CNTLN: variants seen among roughly 807,000 people sequenced by gnomAD.
CNTLN encodes the protein centlein.
A neutral mutation model predicts 180.0 loss-of-function variants in CNTLN; 212 were observed. The observed-to-expected ratio is 1.18, with a 90% CI of 1.05 to 1.32. The LOEUF is 1.32. CNTLN is among the 40% of genes most tolerant of loss of function. The pLI is 0.00. For missense variants in CNTLN, 2,095 were observed against 1,610.9 expected (o/e 1.30, Z -5.14); for synonymous variants, 722 against 563.1 (o/e 1.28, Z -3.99).
chr9:17,315,593 G>A (rs1022210199), intron 8 of CNTLN, among the ~76,000 whole-genome samples: 1 of 151,912 alleles, frequency 6.6e-6, no homozygotes, highest in African/African-American at 2.4e-5. Flanking sequence ...TCCTGTCCTT[G>A]TGAGATTCCA....
chr9:17,433,286 C>G lies in CNTLN; in HGVS notation c.3114+17097C>G, dbSNP rs112032630. Among the ~76,000 whole-genome samples, 162 of 151,110 alleles carry G rather than the reference C, an allele frequency of 1.1e-3. 1 individual carries two copies. Among genetic ancestry groups the G allele is most frequent in the African/African-American group, 3.4e-3 (142 of 41,250 alleles). ...TAAGAAAGTTTTCTTCTATTTTTAG[C>G]TTTCTTTTTTTTTTTTGAAATGGAG... On this transcript the variant is annotated intron_variant, in intron 18 of 25. Coordinates refer to ENST00000380647, the MANE Select transcript of CNTLN (RefSeq NM_017738.4).
intron 16 of CNTLN, 149 bp downstream of exon 16, chr9:17,409,622 A>C: frequency 5.3e-6 from 3 of 567,436 alleles, no homozygotes; most frequent in Non-Finnish European, 2.9e-6. Flanking sequence ...TTCACTTTTA[A>C]ATAATTTTCA....
At chr9:17,149,819 T>C (rs2131497213) in intron 2 of CNTLN, among the ~76,000 whole-genome samples, 1 of 152,226 alleles carries the variant, frequency 6.6e-6, no homozygotes, top group South Asian at 2.1e-4. Flanking sequence ...ACCTGGCCTG[T>C]TTCCTGACTT....
rs202140760 is a variant in CNTLN, at chr9:17,273,802, T to C, written c.919T>C (p.Ser307Pro). The stretch of plus-strand genomic sequence containing the variant: ...ATCACAGAGTAAATACAATGCTCTA[T>C]CATTACAGTTGAGTAATAAACAGAC... ...EVSQSKYNALSLQLSNKQTEL... is the reference protein window; with the variant it reads ...EVSQSKYNALPLQLSNKQTEL... Residue 307 changes from serine to proline, a missense_variant, in exon 6 of 26, where the codon TCA becomes CCA. Physicochemically the swap from Ser to Pro is moderately conservative, Grantham distance 74. Coordinates refer to ENST00000380647, the MANE Select transcript of CNTLN (RefSeq NM_017738.4). 3.2e-4 allele frequency: 506 copies of C among 1,575,110 alleles called. 1 individual carries two copies. The highest frequency in any genetic ancestry group is 5.4e-4 in the South Asian group (46 of 84,590).
intron 8 of CNTLN, among the ~76,000 whole-genome samples, chr9:17,315,640 A>G (rs1272063630): frequency 6.6e-6 from 1 of 151,918 alleles, no homozygotes; most frequent in Non-Finnish European, 1.5e-5. Flanking sequence ...TGTATTCCAT[A>G]TATATTTTGA....
chr9:17,182,662 C>T lies in CNTLN; in HGVS notation c.449+39286C>T, dbSNP rs142294790. ...TAAGATTAAAAAGTTTGATAGATGA[C>T]GAGTTTACCCTAGAGGGAAGGTGGC... On this transcript the variant is annotated intron_variant, in intron 2 of 25. Transcript: ENST00000380647. Among the ~76,000 whole-genome samples the T allele has an allele frequency of 3.4e-4, 51 of 152,234 alleles. No homozygotes were observed. In the East Asian group the frequency reaches 8.7e-3, roughly 26 times the overall value.
chr9:17,202,908 G>A (rs1418708002), intron 2 of CNTLN, among the ~76,000 whole-genome samples: 1 of 151,918 alleles, frequency 6.6e-6, no homozygotes, highest in Admixed American at 6.6e-5. Context: ...TGTGCATTAG[G>A]TGATGCAGTT....
chr9:17,376,962 A>C (rs759373820), intron 13 of CNTLN, among the ~76,000 whole-genome samples: 1 of 152,212 alleles, frequency 6.6e-6, no homozygotes, highest in Non-Finnish European at 1.5e-5. Flanking sequence ...ATTAAAAACA[A>C]TTACAAAAAG....
At chr9:17,451,516 T>A (rs1830774439) in intron 18 of CNTLN, among the ~76,000 whole-genome samples, 1 of 152,228 alleles carries the variant, frequency 6.6e-6, no homozygotes, top group Non-Finnish European at 1.5e-5. Flanking sequence ...ACTTGGATTG[T>A]CAAGCCCTTT....
At chr9:17,435,788 C>A (rs952953296) in intron 18 of CNTLN, among the ~76,000 whole-genome samples, 1 of 152,100 alleles carries the variant, frequency 6.6e-6, no homozygotes, top group Non-Finnish European at 1.5e-5. Context: ...GTCTGAAACA[C>A]CCGACCTCAG....
chr9:17,372,036 C>A (rs569888882), intron 13 of CNTLN, among the ~76,000 whole-genome samples: 1 of 151,808 alleles, frequency 6.6e-6, no homozygotes, highest in African/African-American at 2.4e-5. Context: ...AATAACTTAA[C>A]GATGCATCTT....
At chr9:17,172,455 A>T in intron 2 of CNTLN, among the ~76,000 whole-genome samples, 1 of 151,150 alleles carries the variant, frequency 6.6e-6, no homozygotes, top group Non-Finnish European at 1.5e-5. Flanking sequence ...TTTTTCCTCC[A>T]TTTTTCTTGT....
intron 24 of CNTLN, among the ~76,000 whole-genome samples, chr9:17,486,011 G>A (rs1278995162): frequency 6.6e-6 from 1 of 152,096 alleles, no homozygotes; most frequent in African/African-American, 2.4e-5. Context: ...ACTGTAATAT[G>A]CATGTCACAC....
intron 10 of CNTLN, among the ~76,000 whole-genome samples, chr9:17,339,020 A>G (rs1030114288): frequency 6.6e-6 from 1 of 152,156 alleles, no homozygotes; most frequent in Admixed American, 6.5e-5. Flanking sequence ...AATTTGCATT[A>G]TGTGTGATTT....
At chr9:17,425,944 G>C (rs1829054050) in intron 18 of CNTLN, among the ~76,000 whole-genome samples, 1 of 152,170 alleles carries the variant, frequency 6.6e-6, no homozygotes, top group Non-Finnish European at 1.5e-5. Context: ...TGGAAGATAT[G>C]GATATTTTTC....
chr9:17,403,269 C>A (rs1255952566), intron 15 of CNTLN, among the ~76,000 whole-genome samples: 1 of 151,806 alleles, frequency 6.6e-6, no homozygotes, highest in Non-Finnish European at 1.5e-5. Context: ...GGTTCATGAA[C>A]AAAGTGGCTA....
intron 8 of CNTLN, among the ~76,000 whole-genome samples, chr9:17,310,442 G>C (rs542297303): frequency 6.6e-6 from 1 of 152,224 alleles, no homozygotes; most frequent in South Asian, 2.1e-4. Context: ...TATTATATGT[G>C]AGTATATCAT....
chr9:17,137,040 C>T (rs1435038086), intron 1 of CNTLN, among the ~76,000 whole-genome samples: 4 of 152,156 alleles, frequency 2.6e-5, no homozygotes. Flanking sequence ...TTAAGGAAGT[C>T]AGTCTATTGG....
intron 8 of CNTLN, among the ~76,000 whole-genome samples, chr9:17,320,321 G>T: frequency 6.6e-6 from 1 of 151,734 alleles, no homozygotes; most frequent in East Asian, 1.9e-4. Context: ...TAAATGTAAT[G>T]TCTGTATACT....
Sources: allele counts gnomAD v4.1 joint callset (sites outside exome capture counted in the v4.1 genomes callset), GRCh38; gene constraint gnomAD v4.1.1; transcripts MANE v1.5; gene names NCBI Gene and HGNC (gene_info 2026-07-23, HGNC 2026-07-21).